TMEM45B: variants seen among roughly 807,000 people sequenced by gnomAD.
TMEM45B encodes the protein transmembrane protein 45B.
A neutral mutation model predicts 27.3 loss-of-function variants in TMEM45B; 29 were observed. That is an observed-to-expected ratio of 1.06 (90% confidence interval 0.79 to 1.45). The LOEUF (loss-of-function observed/expected upper bound fraction) is 1.45. Ranked by LOEUF, TMEM45B falls within the 40% of genes most tolerant of loss-of-function variation. The probability of loss-of-function intolerance (pLI) is 0.00; values close to 1 mark genes in which losing one functional copy is unlikely to be tolerated. For missense variants in TMEM45B, 348 were observed against 343.9 expected (o/e 1.01, Z -0.09); for synonymous variants, 143 against 134.7 (o/e 1.06, Z -0.43).
At chr11:129,856,547 G>A (rs1468269597) in intron 4 of TMEM45B, among the ~76,000 whole-genome samples, 1 of 141,214 alleles carries the variant, frequency 7.1e-6, no homozygotes, top group Admixed American at 7.4e-5. Context: ...CCAAAATTAA[G>A]CTGAAGCCTT....
chr11:129,832,652 A>G (rs1947564442), intron 1 of TMEM45B, among the ~76,000 whole-genome samples: 1 of 152,174 alleles, frequency 6.6e-6, no homozygotes, highest in South Asian at 2.1e-4. Flanking sequence ...ATTAGATAGC[A>G]ATAATGGTTG....
chr11:129,848,658 C>T (rs1052329760), intron 1 of TMEM45B, among the ~76,000 whole-genome samples: 1 of 152,166 alleles, frequency 6.6e-6, no homozygotes, highest in Non-Finnish European at 1.5e-5. Context: ...GCTGTGCAGA[C>T]CAGGAATGCT....
chr11:129,851,141 CAGG>C (rs1321458310), intron 1 of TMEM45B, among the ~76,000 whole-genome samples: 3 of 152,194 alleles, frequency 2.0e-5, no homozygotes, highest in African/African-American at 7.2e-5. Context: ...TCCTCACATG[CAGG>C]AGGACAAACA....
intron 1 of TMEM45B, among the ~76,000 whole-genome samples, chr11:129,816,478 A>G (rs1185719698): frequency 1.3e-5 from 2 of 152,104 alleles, no homozygotes; most frequent in African/African-American, 4.8e-5. Context: ...GGCGGTGGAT[A>G]AAGTCCCCCG....
intron 1 of TMEM45B, among the ~76,000 whole-genome samples, chr11:129,820,172 G>A (rs543379766): frequency 1.4e-4 from 22 of 152,052 alleles, no homozygotes; most frequent in Non-Finnish European, 5.9e-5. Context: ...AAAATCAGCC[G>A]GGCGTGCTAG....
intron 1 of TMEM45B, among the ~76,000 whole-genome samples, chr11:129,849,840 G>A (rs941966235): frequency 2.6e-5 from 4 of 152,168 alleles, no homozygotes; most frequent in Non-Finnish European, 1.5e-5. Context: ...CTGCCGCAAG[G>A]CTCTAACCCT....
chr11:129,833,250 C>A (rs12574919), intron 1 of TMEM45B, among the ~76,000 whole-genome samples: 52 of 67,022 alleles, frequency 7.8e-4, no homozygotes, highest in Admixed American at 3.6e-3. Flanking sequence ...AAAAAATAAA[C>A]AGAAAAATAA....
intron 1 of TMEM45B, among the ~76,000 whole-genome samples, chr11:129,848,273 G>A: frequency 6.6e-6 from 1 of 152,212 alleles, no homozygotes; most frequent in Non-Finnish European, 1.5e-5. Flanking sequence ...CACCTCGGGA[G>A]GCCGAGGCTG....
chr11:129,829,671 A>G (rs1272273013), intron 1 of TMEM45B, among the ~76,000 whole-genome samples: 1 of 152,188 alleles, frequency 6.6e-6, no homozygotes, highest in African/African-American at 2.4e-5. Context: ...GTGTTTTTCC[A>G]GGAAGCTTTC....
intron 1 of TMEM45B, among the ~76,000 whole-genome samples, chr11:129,836,392 G>A (rs1947620311): frequency 6.6e-6 from 1 of 152,146 alleles, no homozygotes; most frequent in Non-Finnish European, 1.5e-5. Context: ...ATGCTGATCT[G>A]GGTTAAGACT....
At chr11:129,822,180 G>A (rs1947427078) in intron 1 of TMEM45B, among the ~76,000 whole-genome samples, 1 of 152,140 alleles carries the variant, frequency 6.6e-6, no homozygotes, top group Non-Finnish European at 1.5e-5. Context: ...GGCGAGAGGT[G>A]TGGTCTTCTG....
At chr11:129,848,372 G>C (rs543939558) in intron 1 of TMEM45B, among the ~76,000 whole-genome samples, 1 of 152,364 alleles carries the variant, frequency 6.6e-6, no homozygotes, top group East Asian at 1.9e-4. Context: ...AACCCGTCAG[G>C]CGTGGCGGCG....
chr11:129,818,914 A>T (rs553771851), intron 1 of TMEM45B, among the ~76,000 whole-genome samples: 4 of 152,324 alleles, frequency 2.6e-5, no homozygotes, highest in Admixed American at 1.3e-4. Context: ...TACAGCTAAA[A>T]ACAATGTTCA....
intron 5 of TMEM45B, 108 bp downstream of exon 5, chr11:129,857,566 G>A: frequency 7.7e-7 from 1 of 1,295,738 alleles, no homozygotes; most frequent in Non-Finnish European, 1.1e-6. Flanking sequence ...TTCTGTGCAA[G>A]GTACTCTCAT....
intron 1 of TMEM45B, among the ~76,000 whole-genome samples, chr11:129,835,157 G>T (rs1260602609): frequency 1.3e-5 from 2 of 152,072 alleles, no homozygotes; most frequent in African/African-American, 2.4e-5. Flanking sequence ...AGCTAAAAAA[G>T]GAATTTTTAG....
At chr11:129,857,514 G>A (rs1947947756) in intron 5 of TMEM45B, 56 bp downstream of exon 5, 2 of 1,598,272 alleles carry the variant, frequency 1.3e-6, no homozygotes, top group Non-Finnish European at 1.7e-6. Flanking sequence ...GGACTGATGT[G>A]ATTAACTTGC....
rs1332599192 is a variant in TMEM45B, at chr11:129,833,634, G to T, written c.-9+17736G>T. The stretch of plus-strand genomic sequence containing the variant: ...TACTAAAAATACAAAAATTAGCCAG[G>T]CATGGTGGCGGACACCTGTAATCCC... On this transcript the variant is annotated intron_variant, in intron 1 of 5. Transcript: ENST00000281441. 2.0e-5 allele frequency among the ~76,000 whole-genome samples: 3 copies of T among 152,044 alleles called. 1 individual carries two copies. The highest frequency in any genetic ancestry group is 4.1e-4 in the South Asian group (2 of 4,824).
At chr11:129,851,760 C>T (rs945992745) in intron 1 of TMEM45B, among the ~76,000 whole-genome samples, 25 of 152,178 alleles carry the variant, frequency 1.6e-4, no homozygotes, top group Admixed American at 2.6e-4. Flanking sequence ...AATGGGATAA[C>T]AGCAAATCAT....
rs551435552 is a variant in TMEM45B at position 129,833,182 on chromosome 11, G to A, written c.-9+17284G>A. Among the ~76,000 whole-genome samples, 208 of 151,808 alleles carry A rather than the reference G, an allele frequency of 1.4e-3. 2 individuals carry two copies. The highest frequency in any genetic ancestry group is 4.8e-3 in the African/African-American group (199 of 41,396). ...TTGAACCCGAGAGGTGGAGGCTGCA[G>A]TGAGTTGAGGTTGTGCCACTGCACC... is the stretch of plus-strand genomic sequence containing the variant. On this transcript the variant is annotated intron_variant, in intron 1 of 5. Transcript: ENST00000281441.
Sources: gnomAD v4.1 joint callset for allele counts (sites outside exome capture counted in the v4.1 genomes callset) on GRCh38, gnomAD v4.1.1 for gene constraint, MANE v1.5 for transcripts, NCBI Gene and HGNC (gene_info 2026-07-23, HGNC 2026-07-21) for gene names.